Variants in CSMD1 observed in about 807,000 individuals in gnomAD.
CSMD1 encodes the protein CUB and sushi domain-containing protein 1.
A neutral mutation model predicts 417.5 loss-of-function variants in CSMD1; 213 were observed. The observed-to-expected ratio is 0.51, with a 90% CI of 0.46 to 0.57. The LOEUF is 0.57. Among genes scored for constraint, CSMD1 ranks in the 20% least tolerant of loss-of-function variants. The probability of loss-of-function intolerance (pLI) is 0.00; values close to 1 mark genes in which losing one functional copy is unlikely to be tolerated. For synonymous variants in CSMD1, 2,862 were observed against 1,736.8 expected (o/e 1.65, Z -16.11); for missense variants, 6,923 against 4,529.7 (o/e 1.53, Z -15.17).
At chr8:3,884,231 T>A (rs189503070) in intron 5 of CSMD1, among the ~76,000 whole-genome samples, 2 of 152,356 alleles carry the variant, frequency 1.3e-5, no homozygotes, top group Non-Finnish European at 2.9e-5. Context: ...CCATTATCCT[T>A]TGATACGCCT....
At chr8:4,610,929 T>C (rs976798365) in intron 2 of CSMD1, among the ~76,000 whole-genome samples, 1 of 152,220 alleles carries the variant, frequency 6.6e-6, no homozygotes, top group African/African-American at 2.4e-5. Flanking sequence ...CATAACTATG[T>C]TGGAAATCAC....
intron 2 of CSMD1, among the ~76,000 whole-genome samples, chr8:4,471,711 A>C (rs188755344): frequency 2.0e-3 from 303 of 150,852 alleles, no homozygotes; most frequent in African/African-American, 6.8e-3. Context: ...CCCATCTTCA[A>C]AGAAAAATGC....
chr8:3,895,774 C>T (rs1477802293), intron 5 of CSMD1, among the ~76,000 whole-genome samples: 2 of 152,128 alleles, frequency 1.3e-5, no homozygotes, highest in East Asian at 3.9e-4. Context: ...AGAAATATTT[C>T]CTACGGTCAT....
At chr8:3,492,371 C>A (rs1413064431) in intron 11 of CSMD1, among the ~76,000 whole-genome samples, 3 of 152,112 alleles carry the variant, frequency 2.0e-5, no homozygotes, top group South Asian at 2.1e-4. Flanking sequence ...TCTGGCACCA[C>A]AGAAACTCTC....
chr8:3,245,390 C>G (rs540414636), intron 26 of CSMD1, among the ~76,000 whole-genome samples: 1 of 152,270 alleles, frequency 6.6e-6, no homozygotes, highest in Non-Finnish European at 1.5e-5. Context: ...AGATAAAGGA[C>G]CAGACTTTTC....
At chr8:3,137,736 T>C (rs1818188799) in intron 41 of CSMD1, among the ~76,000 whole-genome samples, 1 of 152,132 alleles carries the variant, frequency 6.6e-6, no homozygotes, top group African/African-American at 2.4e-5. Flanking sequence ...GGAACGATGA[T>C]AAGAAAAAGA....
intron 26 of CSMD1, chr8:3,278,780 T>G (rs968301524): frequency 1.3e-5 from 2 of 152,102 alleles, no homozygotes; most frequent in African/African-American, 2.4e-5. Context: ...GTTTTGCACT[T>G]TGTGAAGAGT....
At chr8:4,245,150 G>C (rs890576489) in intron 3 of CSMD1, among the ~76,000 whole-genome samples, 8 of 152,136 alleles carry the variant, frequency 5.3e-5, no homozygotes, top group African/African-American at 1.9e-4. Context: ...GGAAATGCCT[G>C]GGTTCAGAAT....
intron 3 of CSMD1, among the ~76,000 whole-genome samples, chr8:4,375,592 G>A (rs774824599): frequency 3.3e-5 from 5 of 152,204 alleles, no homozygotes; most frequent in South Asian, 2.1e-4. Flanking sequence ...TCCTACTGAG[G>A]AAGAAGGCTC....
intron 3 of CSMD1, among the ~76,000 whole-genome samples, chr8:4,182,215 C>G (rs1433912269): frequency 1.3e-5 from 2 of 152,094 alleles, no homozygotes; most frequent in Non-Finnish European, 2.9e-5. Context: ...TCTCAGTTTA[C>G]TTTAAACTTA....
intron 3 of CSMD1, among the ~76,000 whole-genome samples, chr8:4,177,961 C>A (rs879014407): frequency 6.6e-6 from 1 of 152,078 alleles, no homozygotes; most frequent in South Asian, 2.1e-4. Context: ...CAAAAAGAGT[C>A]CAGGATCATA....
intron 7 of CSMD1, among the ~76,000 whole-genome samples, chr8:3,635,013 C>T (rs907633348): frequency 1.3e-5 from 2 of 151,720 alleles, no homozygotes; most frequent in Non-Finnish European, 2.9e-5. Context: ...CCTAACTAAA[C>T]ATTGAAAAAC....
intron 1 of CSMD1, among the ~76,000 whole-genome samples, chr8:4,731,259 G>C (rs868139959): frequency 2.0e-5 from 3 of 152,218 alleles, no homozygotes; most frequent in South Asian, 2.1e-4. Context: ...ACCTCAACCT[G>C]CTTTTGTCTT....
At chr8:3,925,492 C>T (rs570363564) in intron 5 of CSMD1, among the ~76,000 whole-genome samples, 159 of 152,260 alleles carry the variant, frequency 1.0e-3, no homozygotes, top group Non-Finnish European at 1.7e-3. Flanking sequence ...GGTGGTAAGA[C>T]ACTGATGCGG....
At chr8:3,465,042 G>C (rs899993622) in intron 12 of CSMD1, among the ~76,000 whole-genome samples, 1 of 152,114 alleles carries the variant, frequency 6.6e-6, no homozygotes, top group African/African-American at 2.4e-5. Flanking sequence ...TTATATACTA[G>C]GGAATATGTA....
At chr8:3,568,691 G>T (rs1012482588) in intron 10 of CSMD1, among the ~76,000 whole-genome samples, 1 of 151,992 alleles carries the variant, frequency 6.6e-6, no homozygotes, top group Admixed American at 6.6e-5. Context: ...TACTGTATAT[G>T]TGTATATATA....
At chr8:3,988,829 G>A (rs144587530) in intron 5 of CSMD1, among the ~76,000 whole-genome samples, 63 of 152,246 alleles carry the variant, frequency 4.1e-4, no homozygotes, top group Admixed American at 1.6e-3. Flanking sequence ...TCATCATTTA[G>A]GTCCTATTTT....
intron 1 of CSMD1, among the ~76,000 whole-genome samples, chr8:4,983,480 C>T (rs1011955784): frequency 6.6e-6 from 1 of 152,116 alleles, no homozygotes; most frequent in African/African-American, 2.4e-5. Context: ...TTATGAAGTC[C>T]AAACAATGTA....
chr8:3,538,719 G>A (rs189057575), intron 10 of CSMD1, among the ~76,000 whole-genome samples: 46 of 152,200 alleles, frequency 3.0e-4, no homozygotes, highest in Non-Finnish European at 6.2e-4. Context: ...CCCCTTTTCC[G>A]TCACGTGCAC....
Sources: gnomAD v4.1 joint callset for allele counts (sites outside exome capture counted in the v4.1 genomes callset) on GRCh38, gnomAD v4.1.1 for gene constraint, MANE v1.5 for transcripts, NCBI Gene and HGNC (gene_info 2026-07-23, HGNC 2026-07-21) for gene names.